The following PCDH15 variants were observed in gnomAD, a reference collection of about 807,000 sequenced individuals.
PCDH15 encodes protocadherin related 15.
Under a neutral mutation model 178.5 loss-of-function variants are expected in PCDH15, and 129 were observed. The ratio of observed to expected loss-of-function variants is 0.72; its 90% CI spans 0.63 to 0.84. The LOEUF is 0.84. Among genes scored for constraint, PCDH15 ranks in the 40% least tolerant of loss-of-function variants. PCDH15 has a pLI of 0.00. For synonymous variants in PCDH15, 800 were observed against 732.0 expected (o/e 1.09, Z -1.50); for missense variants, 2,230 against 2,099.9 (o/e 1.06, Z -1.21).
intron 2 of PCDH15, among the ~76,000 whole-genome samples, chr10:55,101,997 T>C (rs1002220084): frequency 6.6e-6 from 1 of 151,936 alleles, no homozygotes; most frequent in Non-Finnish European, 1.5e-5. Context: ...GAAAAGTTTG[T>C]TAGTTGCTTT....
intron 18 of PCDH15, among the ~76,000 whole-genome samples, chr10:54,027,044 T>C (rs1331764790): frequency 0.011 from 1,530 of 145,528 alleles, 29 homozygotes; most frequent in African/African-American, 0.038. Context: ...GAAAACCCCA[T>C]TGTCTCAGCC....
chr10:54,326,554 T>C (rs184317020), intron 7 of PCDH15, among the ~76,000 whole-genome samples: 70 of 152,270 alleles, frequency 4.6e-4, no homozygotes, highest in African/African-American at 1.1e-3. Context: ...AACTAGCTAA[T>C]TGTAACCAGA....
chr10:54,911,335 T>C (rs1280195864), intron 2 of PCDH15, among the ~76,000 whole-genome samples: 1 of 152,166 alleles, frequency 6.6e-6, no homozygotes, highest in Non-Finnish European at 1.5e-5. Context: ...TTGTTATAAG[T>C]TTTAGAAATC....
At chr10:55,000,804 TCCCA>T (rs1468049709) in intron 2 of PCDH15, among the ~76,000 whole-genome samples, 1 of 152,114 alleles carries the variant, frequency 6.6e-6, no homozygotes, top group Non-Finnish European at 1.5e-5. Flanking sequence ...GTCCCTGACT[TCCCA>T]CAACAGAGCT....
intron 15 of PCDH15, among the ~76,000 whole-genome samples, chr10:54,114,154 A>G (rs973133649): frequency 5.9e-5 from 9 of 152,024 alleles, no homozygotes; most frequent in Non-Finnish European, 1.2e-4. Flanking sequence ...CTTTTTAAAT[A>G]TTTTTTTATT....
rs544764917 is a variant in PCDH15, at chr10:54,119,774, T to G, written c.1917+13101A>C. ...AAAATAGCGAATTTCATTGTTTTTT[T>G]AAATTATTATTATTATACTTTAAGT... On this transcript the variant is annotated intron_variant, in intron 15 of 37. Coordinates refer to ENST00000644397, the MANE Select transcript of PCDH15 (RefSeq NM_001384140.1). Among the ~76,000 whole-genome samples, 17 of 152,308 alleles carry G rather than the reference T, an allele frequency of 1.1e-4. No individual in the cohort carries two copies. In the South Asian group the frequency reaches 3.5e-3, roughly 32 times the overall value.
chr10:55,348,634 A>G (rs1409518807), intron 2 of PCDH15, among the ~76,000 whole-genome samples: 1 of 152,200 alleles, frequency 6.6e-6, no homozygotes, highest in African/African-American at 2.4e-5. Context: ...AAATATAAGA[A>G]GACTATCTTG....
chr10:54,451,082 T>C lies in PCDH15; in HGVS notation c.158-72140A>G, dbSNP rs985306476. ...ATATACAAAAATATAATCTAAATGT[T>C]ATTTTTAACAATATAAAATTTGTTT... On this transcript the variant is annotated intron_variant, in intron 3 of 37. Transcript: ENST00000644397. Among the ~76,000 whole-genome samples, 3 of 151,888 alleles carry C rather than the reference T, an allele frequency of 2.0e-5. No homozygotes were observed. The Admixed American group carries it at 2.0e-4, about 10-fold the overall frequency.
chr10:55,377,313 C>T (rs1837417299), intron 2 of PCDH15, among the ~76,000 whole-genome samples: 1 of 151,726 alleles, frequency 6.6e-6, no homozygotes, highest in Admixed American at 6.6e-5. Flanking sequence ...TATTTTCTAC[C>T]CGACAGTGCC....
At chr10:54,138,958 C>A (rs2043132988) in intron 14 of PCDH15, among the ~76,000 whole-genome samples, 1 of 151,454 alleles carries the variant, frequency 6.6e-6, no homozygotes, top group South Asian at 2.1e-4. Context: ...CATAAGTAAG[C>A]CCAAAGTATT....
At chr10:55,032,298 G>A (rs1840631980) in intron 2 of PCDH15, among the ~76,000 whole-genome samples, 1 of 152,172 alleles carries the variant, frequency 6.6e-6, no homozygotes, top group Non-Finnish European at 1.5e-5. Flanking sequence ...TTTGTGAAAG[G>A]CAGCACTTAA....
chr10:54,781,509 C>A (rs552197514), intron 1 of PCDH15, among the ~76,000 whole-genome samples: 128 of 152,128 alleles, frequency 8.4e-4, no homozygotes, highest in Non-Finnish European at 1.6e-3. Flanking sequence ...TTTATCTTCT[C>A]CTGAAATGTG....
At chr10:53,955,086 G>A (rs2087478471) in intron 23 of PCDH15, among the ~76,000 whole-genome samples, 1 of 152,170 alleles carries the variant, frequency 6.6e-6, no homozygotes, top group Admixed American at 6.5e-5. Flanking sequence ...CCCCTAGTTA[G>A]AGCTAAATGT....
intron 2 of PCDH15, among the ~76,000 whole-genome samples, chr10:54,924,139 C>T (rs1171484594): frequency 3.6e-5 from 5 of 137,830 alleles, no homozygotes; most frequent in African/African-American, 1.3e-4. Flanking sequence ...GCACTGTTCT[C>T]ACATGGTGAA....
intron 8 of PCDH15, among the ~76,000 whole-genome samples, chr10:54,248,869 C>T (rs572531143): frequency 6.6e-6 from 1 of 151,948 alleles, no homozygotes; most frequent in East Asian, 1.9e-4. Context: ...AAAAGAGTAA[C>T]AAAATATAGT....
At chr10:54,437,386 A>T (rs1357401724) in intron 3 of PCDH15, among the ~76,000 whole-genome samples, 2 of 152,190 alleles carry the variant, frequency 1.3e-5, no homozygotes, top group Non-Finnish European at 2.9e-5. Context: ...AAAAAAATTA[A>T]TAAATTTAGT....
chr10:54,566,070 G>C (rs928609036), intron 2 of PCDH15, among the ~76,000 whole-genome samples: 1 of 152,110 alleles, frequency 6.6e-6, no homozygotes, highest in Non-Finnish European at 1.5e-5. Flanking sequence ...GGCAACAAGA[G>C]TGAAATTTCA....
intron 2 of PCDH15, among the ~76,000 whole-genome samples, chr10:54,985,247 A>T (rs1473057967): frequency 6.6e-6 from 1 of 152,168 alleles, no homozygotes; most frequent in Admixed American, 6.6e-5. Flanking sequence ...AATCTTAGTA[A>T]ACTTTTAAGA....
At chr10:55,106,846 TG>T (rs1279723413) in intron 2 of PCDH15, among the ~76,000 whole-genome samples, 1 of 152,246 alleles carries the variant, frequency 6.6e-6, no homozygotes, top group Non-Finnish European at 1.5e-5. Context: ...AGGTCAGCTA[TG>T]GATATAGCTC....
Sources: allele counts gnomAD v4.1 joint callset (sites outside exome capture counted in the v4.1 genomes callset), GRCh38; gene constraint gnomAD v4.1.1; transcripts MANE v1.5; gene names NCBI Gene and HGNC (gene_info 2026-07-23, HGNC 2026-07-21).